The following SQSTM1 variants were observed in gnomAD, a reference collection of about 807,000 sequenced individuals.
SQSTM1 encodes the protein sequestosome-1.
In SQSTM1, 36 loss-of-function variants were observed where a neutral mutation model predicts 45.1. The ratio of observed to expected loss-of-function variants is 0.80; its 90% confidence interval spans 0.61 to 1.05. The LOEUF (loss-of-function observed/expected upper bound fraction) is 1.05, where lower values mean the gene tolerates loss of function less well. Ranked by LOEUF, SQSTM1 falls within the 50% of genes least tolerant of loss-of-function variation. The probability of loss-of-function intolerance (pLI) is 0.00; values close to 1 mark genes in which losing one functional copy is unlikely to be tolerated. For missense variants in SQSTM1, 617 were observed against 607.1 expected (o/e 1.02, Z -0.17); for synonymous variants, 290 against 244.3 (o/e 1.19, Z -1.74).
At position 179,824,088 on chromosome 5, in the gene SQSTM1, G is replaced by A; in HGVS notation, c.531+1G>A. On this transcript the variant is annotated splice_donor_variant, in intron 3 of 7. Transcript: ENST00000389805. LOFTEE classifies it high-confidence loss of function. ...CAGCCCCTTCGGGCACCTGTCTGAG[G>A]TGAGCAGGCCCTCTGTGCAGGCCTG... 1 of 1,613,874 alleles carries A rather than the reference G, an allele frequency of 6.2e-7. No individual in the cohort carries two copies. The highest frequency in any genetic ancestry group is 8.5e-7 in the Non-Finnish European group (1 of 1,180,044).
At chr5:179,824,827 G>T (rs957502317) in intron 4 of SQSTM1, among the ~76,000 whole-genome samples, 2 of 152,136 alleles carry the variant, frequency 1.3e-5, no homozygotes, top group East Asian at 1.9e-4. Context: ...ATGTTTGCTT[G>T]ACTTTGAGTA....
rs768546624 is a variant in SQSTM1 at position 179,825,138 on chromosome 5, A to G, written c.674-8A>G. ...GATATCTTTATCTTATCTTTGTAAA[A>G]ATCAAAGCTTCTGGTCCATCGGAGG... On this transcript the variant is annotated splice_region_variant and splice_polypyrimidine_tract_variant and intron_variant, in intron 4 of 7. Transcript: ENST00000389805. The G allele has an allele frequency of 1.9e-6, 3 of 1,613,724 alleles. No homozygotes were observed. In the African/African-American group the frequency reaches 4.0e-5, roughly 22 times the overall value.
At chr5:179,821,181 C>A in intron 1 of SQSTM1, 40 bp downstream of exon 1, 3 of 1,321,228 alleles carry the variant, frequency 2.3e-6, no homozygotes, top group Non-Finnish European at 2.9e-6. Context: ...TGACGCAGGC[C>A]GGACACGGCC....
rs1582031380 is a variant in SQSTM1 at position 179,837,049 on chromosome 5, C to T, written c.*456C>T. On this transcript the variant is annotated 3_prime_UTR_variant, in exon 8 of 8. Transcript: ENST00000389805. ...TTGTCAGCAGGCAGGCTGGGGAGGC[C>T]AGTGTTGTGGGCTTCCTGCTGGGAC... 1.5e-6 allele frequency: 1 copy of T among 671,108 alleles called. No individual in the cohort carries two copies. The highest frequency in any genetic ancestry group is 2.6e-6 in the Non-Finnish European group (1 of 382,286). 41.6% of individuals were successfully genotyped at this position (671,108 alleles called of 1,614,324 possible).
At chr5:179,808,777 A>T (rs544142479) in intron 1 of SQSTM1, among the ~76,000 whole-genome samples, 2 of 152,120 alleles carry the variant, frequency 1.3e-5, no homozygotes, top group African/African-American at 2.4e-5. Context: ...ACATAGTGAC[A>T]CCTCATCTCA....
At chr5:179,820,664 G>A, upstream of SQSTM1, 1 of 400,416 alleles carries the variant, frequency 2.5e-6, no homozygotes, top group African/African-American at 2.1e-5. Context: ...TGCCAGGGCC[G>A]GTTTCCTGGG....
Position 179,837,190 on chromosome 5 carries a change from C to T in SQSTM1, c.*597C>T, listed in dbSNP as rs892975687. 9.1e-6 allele frequency: 14 copies of T among 1,539,232 alleles called. No individual in the cohort carries two copies. The highest frequency in any genetic ancestry group is 1.1e-5 in the Non-Finnish European group (13 of 1,143,240). On this transcript the variant is annotated 3_prime_UTR_variant, in exon 8 of 8. Transcript: ENST00000389805. ...CCATCAGCTGCTTTTAAAATAAGAT[C>T]TCTTTGTAGCCATCCTGTTAAATTT...
At position 179,836,920 on chromosome 5, in the gene SQSTM1, CT is replaced by C; in HGVS notation, c.*330del. ...CACATAGCTTGCCTAATGGCTTTCA[CT>C]TTCTCTTTTGTTTTAAATGACTCAT... On this transcript the variant is annotated 3_prime_UTR_variant, in exon 8 of 8. Coordinates refer to ENST00000389805, the MANE Select transcript of SQSTM1 (RefSeq NM_003900.5). 1.6e-6 allele frequency: 1 copy of C among 606,776 alleles called. No homozygotes were observed. Among genetic ancestry groups the C allele is most frequent in the Non-Finnish European group, 2.9e-6 (1 of 343,826 alleles). 37.6% of individuals were successfully genotyped at this position (606,776 alleles called of 1,614,324 possible). A position where few individuals can be genotyped will look rare whatever the true frequency, so the allele number is the denominator to read the frequency against.
At chr5:179,820,849 A>C (rs1366027032), upstream of SQSTM1, 10 of 1,259,074 alleles carry the variant, frequency 7.9e-6, no homozygotes, top group Non-Finnish European at 1.0e-5. Flanking sequence ...GCCCCTCTCG[A>C]GGCGGGGCGG....
chr5:179,821,401 G>A (rs1279112527), intron 1 of SQSTM1: 5 of 605,130 alleles, frequency 8.3e-6, no homozygotes, highest in Non-Finnish European at 1.5e-5. Context: ...CCGGCCGGGG[G>A]CTCGAGCCTG....
At chr5:179,835,836 A>ATTAT (rs1424355964) in intron 7 of SQSTM1, 9 of 167,730 alleles carry the variant, frequency 5.4e-5, no homozygotes, top group African/African-American at 2.2e-4. Flanking sequence ...TGCAAAAGGT[A>ATTAT]TTATTTCGTT....
chr5:179,814,863 C>T (rs746498316), upstream of SQSTM1, among the ~76,000 whole-genome samples: 9 of 151,950 alleles, frequency 5.9e-5, no homozygotes, highest in South Asian at 6.2e-4. Flanking sequence ...TCATGGTTGC[C>T]GTGATCCATG....
At chr5:179,821,545 C>G (rs1365487085) in intron 1 of SQSTM1, 1 of 475,024 alleles carries the variant, frequency 2.1e-6, no homozygotes, top group East Asian at 6.5e-5. Context: ...CACCTTGCTG[C>G]GCCAGGTGGT....
At position 179,837,198 on chromosome 5, in the gene SQSTM1, A is replaced by G. The variant is rs776961227; in HGVS notation, c.*605A>G. 3.9e-6 allele frequency: 6 copies of G among 1,553,924 alleles called. No homozygotes were observed. In the Admixed American group the frequency reaches 5.7e-5, roughly 15 times the overall value. ...TGCTTTTAAAATAAGATCTCTTTGT[A>G]GCCATCCTGTTAAATTTGTAAACAA... On this transcript the variant is annotated 3_prime_UTR_variant, in exon 8 of 8. Transcript: ENST00000389805.
upstream of SQSTM1, among the ~76,000 whole-genome samples, chr5:179,816,241 G>A (rs944976822): frequency 6.6e-6 from 1 of 152,126 alleles, no homozygotes; most frequent in Non-Finnish European, 1.5e-5. Flanking sequence ...CTCCGCCTCC[G>A]AGGCTCAAGC....
intron 7 of SQSTM1, among the ~76,000 whole-genome samples, chr5:179,834,145 G>A (rs1019785685): frequency 1.8e-5 from 2 of 112,018 alleles, no homozygotes; most frequent in African/African-American, 4.1e-5. Flanking sequence ...CTCAGGGAGT[G>A]CTGGTCTGAG....
At chr5:179,835,188 C>T (rs1204973273) in intron 7 of SQSTM1, 6 of 203,682 alleles carry the variant, frequency 2.9e-5, no homozygotes, top group East Asian at 1.8e-4. Flanking sequence ...CAGAGACGCT[C>T]CTCACTTTCC....
chr5:179,830,876 A>G (rs1040873932), intron 5 of SQSTM1, among the ~76,000 whole-genome samples: 1 of 151,914 alleles, frequency 6.6e-6, no homozygotes, highest in South Asian at 2.1e-4. Context: ...CTATTTTAAA[A>G]TTTTTTTGTA....
Position 179,820,927 on chromosome 5 carries a change from G to A in SQSTM1, c.-10G>A, listed in dbSNP as rs773356001. 3 of 1,528,430 alleles carry A rather than the reference G, an allele frequency of 2.0e-6. No individual in the cohort carries two copies. The highest frequency in any genetic ancestry group is 1.8e-6 in the Non-Finnish European group (2 of 1,139,826). The allele number at this position is 1,528,430 out of a possible 1,614,324, so 94.7% of individuals were successfully genotyped here. On this transcript the variant is annotated 5_prime_UTR_variant, in exon 1 of 8. Transcript: ENST00000389805. Reference sequence around the variant, plus strand: ...GGGACGGCCCGTTTTCCGCCAGCTCGCCGCTCGCTATGGCGTCGCTCACCG... The same window carrying A: ...GGGACGGCCCGTTTTCCGCCAGCTCACCGCTCGCTATGGCGTCGCTCACCG...
Sources: gnomAD v4.1 joint callset for allele counts (sites outside exome capture counted in the v4.1 genomes callset) on GRCh38, gnomAD v4.1.1 for gene constraint, MANE v1.5 for transcripts, NCBI Gene and HGNC (gene_info 2026-07-23, HGNC 2026-07-21) for gene names.